MGAT4C: variants seen among roughly 807,000 people sequenced by gnomAD.
The protein encoded by MGAT4C is MGAT4 family member C.
A neutral mutation model predicts 40.1 loss-of-function variants in MGAT4C; 19 were observed. The observed-to-expected ratio is 0.47, with a 90% CI of 0.33 to 0.70. The LOEUF is 0.70. Ranked by LOEUF, MGAT4C falls within the 30% of genes least tolerant of loss-of-function variation. The pLI is 0.02. For synonymous variants in MGAT4C, 181 were observed against 187.1 expected, an observed-to-expected ratio of 0.97 and a Z score of 0.27; for missense variants, 491 against 563.2, an observed-to-expected ratio of 0.87 and a Z score of 1.30.
chr12:86,777,509 C>T (rs570223761), intron 1 of MGAT4C, among the ~76,000 whole-genome samples: 3 of 152,054 alleles, frequency 2.0e-5, no homozygotes, highest in Non-Finnish European at 4.4e-5. Context: ...CTTGAGTCAC[C>T]GATGGGTATG....
chr12:86,346,878 G>A (rs916777826), intron 3 of MGAT4C, among the ~76,000 whole-genome samples: 1 of 152,176 alleles, frequency 6.6e-6, no homozygotes. Context: ...GTGGAAAAAG[G>A]TGGAATAAGC....
At chr12:86,199,048 T>C (rs1257063961) in intron 1 of MGAT4C, among the ~76,000 whole-genome samples, 1 of 152,218 alleles carries the variant, frequency 6.6e-6, no homozygotes, top group African/African-American at 2.4e-5. Flanking sequence ...GTTACCTTAA[T>C]GATAATGCTG....
upstream of MGAT4C, among the ~76,000 whole-genome samples, chr12:86,259,563 T>C (rs1046448074): frequency 4.0e-5 from 6 of 151,394 alleles, no homozygotes; most frequent in African/African-American, 1.2e-4. Flanking sequence ...TGCATATAGC[T>C]CTAATTTCAT....
rs978302078 is a variant in MGAT4C, at chr12:86,498,925, A to C, written c.-228-63660T>G. Among the ~76,000 whole-genome samples, 2 of 151,900 alleles carry C rather than the reference A, an allele frequency of 1.3e-5. 1 individual carries two copies. Among genetic ancestry groups the C allele is most frequent in the South Asian group, 4.1e-4 (2 of 4,832 alleles). Reference sequence around the variant, plus strand: ...AGAAGAGAGAAGTCAAGACATTACAAAAAAAAGGTGAATTGCTTGATATGC... The same window carrying C: ...AGAAGAGAGAAGTCAAGACATTACACAAAAAAGGTGAATTGCTTGATATGC... On this transcript the variant is annotated intron_variant, in intron 2 of 7. Transcript: ENST00000548651.
intron 2 of MGAT4C, among the ~76,000 whole-genome samples, chr12:86,708,142 C>A (rs1180223776): frequency 6.6e-6 from 1 of 152,176 alleles, no homozygotes; most frequent in African/African-American, 2.4e-5. Context: ...GTTTCATGGG[C>A]CAGGCCCAGG....
chr12:86,823,554 T>TC (rs1952744001), intron 1 of MGAT4C, among the ~76,000 whole-genome samples: 2 of 151,236 alleles, frequency 1.3e-5, no homozygotes, highest in Non-Finnish European at 3.0e-5. Context: ...AGGATAGTTG[T>TC]CACATTGTCT....
intron 3 of MGAT4C, among the ~76,000 whole-genome samples, chr12:86,386,160 A>G (rs1882659): frequency 0.89 from 135,555 of 152,176 alleles, 60,583 homozygotes; most frequent in East Asian, 1. Context: ...TTGATCTCCT[A>G]ACTTCGTGAT....
intron 1 of MGAT4C, among the ~76,000 whole-genome samples, chr12:86,827,405 G>C (rs78849602): frequency 0.11 from 16,016 of 151,406 alleles, 1,157 homozygotes; most frequent in Non-Finnish European, 0.15. Flanking sequence ...TTCCTACTGA[G>C]TTTTTCTCAA....
Position 86,667,120 on chromosome 12 carries a change from T to C in MGAT4C, c.-229+60089A>G, listed in dbSNP as rs536989106. Among the ~76,000 whole-genome samples, 5 of 152,312 alleles carry C rather than the reference T, an allele frequency of 3.3e-5. No individual in the cohort carries two copies. The South Asian group carries it at 8.3e-4, about 25-fold the overall frequency. On this transcript the variant is annotated intron_variant, in intron 2 of 7. Transcript: ENST00000548651. The stretch of plus-strand genomic sequence containing the variant: ...CAGATCAGGGCATTTACATATAGTC[T>C]ATAAAATATTCATGGAAGAAATTTT...
chr12:86,111,637 T>C (rs549800996), intron 1 of MGAT4C, among the ~76,000 whole-genome samples: 2 of 151,958 alleles, frequency 1.3e-5, no homozygotes, highest in South Asian at 4.1e-4. Flanking sequence ...TATTTGTGCA[T>C]GTTAAAGGAA....
At chr12:86,671,937 A>G (rs911676169) in intron 2 of MGAT4C, among the ~76,000 whole-genome samples, 9 of 152,116 alleles carry the variant, frequency 5.9e-5, no homozygotes, top group Non-Finnish European at 1.0e-4. Context: ...TGTATAAAAA[A>G]TAATAAATAT....
At position 85,964,922 on chromosome 12, in the gene MGAT4C, G is replaced by A. The variant is rs1421368130; in HGVS notation, c.*14367C>T. On this transcript the variant is annotated 3_prime_UTR_variant, in exon 5 of 5. Transcript: ENST00000611864. ...TTATGTAAGATAGTGAGGCCCCAGA[G>A]AGCCCTCGAGAAATGCAAATAAACT... is the stretch of plus-strand genomic sequence containing the variant. 6.6e-6 allele frequency: 1 copy of A among 152,104 alleles called. No individual in the cohort carries two copies. Among genetic ancestry groups the A allele is most frequent in the African/African-American group, 2.4e-5 (1 of 41,424 alleles). 9.4% of individuals were successfully genotyped at this position (152,104 alleles called of 1,614,324 possible).
chr12:86,498,691 A>C (rs1958284137), intron 2 of MGAT4C, among the ~76,000 whole-genome samples: 1 of 151,880 alleles, frequency 6.6e-6, no homozygotes, highest in Admixed American at 6.6e-5. Flanking sequence ...TGGTGAGCTC[A>C]AGTGTAGCAG....
chr12:86,569,043 G>C (rs1960252305), intron 2 of MGAT4C, among the ~76,000 whole-genome samples: 2 of 151,836 alleles, frequency 1.3e-5, no homozygotes, highest in Non-Finnish European at 2.9e-5. Context: ...AAATGGGCGG[G>C]GGGAATAAAA....
chr12:86,602,186 A>T (rs1283774874), intron 2 of MGAT4C, among the ~76,000 whole-genome samples: 1 of 151,922 alleles, frequency 6.6e-6, no homozygotes, highest in African/African-American at 2.4e-5. Flanking sequence ...CAGGTGTGGG[A>T]TCCGGGCTGG....
chr12:86,574,236 AT>A (rs1405807591), intron 2 of MGAT4C, among the ~76,000 whole-genome samples: 1 of 151,770 alleles, frequency 6.6e-6, no homozygotes. Context: ...GAAAACTTCT[AT>A]CAAAGAGCCT....
intron 4 of MGAT4C, 86 bp from the exon 5 acceptor site, chr12:85,980,516 T>G: frequency 2.5e-6 from 3 of 1,196,990 alleles, no homozygotes. Flanking sequence ...TCCTTTGACT[T>G]GCTACTTACT....
intron 2 of MGAT4C, among the ~76,000 whole-genome samples, chr12:86,726,590 A>G (rs1276316709): frequency 1.3e-5 from 2 of 152,190 alleles, no homozygotes; most frequent in African/African-American, 4.8e-5. Flanking sequence ...AACCTTGGTT[A>G]GAGTACAACT....
intron 2 of MGAT4C, among the ~76,000 whole-genome samples, chr12:86,451,176 A>G (rs1957420412): frequency 1.3e-5 from 2 of 152,120 alleles, no homozygotes; most frequent in Admixed American, 6.6e-5. Context: ...TACTGTCATC[A>G]TGATAGTGAG....
Sources: gnomAD v4.1 joint callset for allele counts (sites outside exome capture counted in the v4.1 genomes callset) on GRCh38, gnomAD v4.1.1 for gene constraint, MANE v1.5 for transcripts, NCBI Gene and HGNC (gene_info 2026-07-23, HGNC 2026-07-21) for gene names.